Variants in FGD1 observed in about 807,000 individuals in gnomAD.
FGD1 encodes the protein FYVE, RhoGEF and PH domain-containing protein 1.
In FGD1, 12 loss-of-function variants were observed where a neutral mutation model predicts 65.0. The observed-to-expected ratio is 0.18, with a 90% CI of 0.12 to 0.30. FGD1 has a LOEUF of 0.30. Ranked by LOEUF, FGD1 falls within the 10% of genes least tolerant of loss-of-function variation. The pLI is 1.00. For missense variants in FGD1, 542 were observed against 837.6 expected (o/e 0.65, Z 4.36); for synonymous variants, 333 against 343.9 (o/e 0.97, Z 0.35).
Position 54,465,765 on chromosome X carries a change from C to G in FGD1, c.1428G>C (p.Arg476=). The part of the protein sequence containing the change: ...MYGEYVKNFD[R]AVELVNTWTE... ...TCCAGGTGTTGACCAGCTCCACGGC[C>G]CGGTCAAAGTTCTTCACATACTCAC... The change falls in exon 7 of 18, where the codon CGG becomes CGC. Residue 476 remains arginine, a synonymous_variant. Transcript: ENST00000375135. 8.3e-7 allele frequency: 1 copy of G among 1,211,249 alleles called. No homozygotes were observed. The highest frequency in any genetic ancestry group is 1.1e-6 in the Non-Finnish European group (1 of 895,415).
At chrX:54,460,720 G>A (rs939252603) in intron 8 of FGD1, among the ~76,000 whole-genome samples, 1 of 111,853 alleles carries the variant, frequency 8.9e-6, no homozygotes, top group East Asian at 2.8e-4. Flanking sequence ...CAGCCTGGGC[G>A]ACAGAGTGAG....
rs1488481773 is a variant in FGD1, at chrX:54,456,356, T to C, written c.1706A>G (p.His569Arg). 5 of 1,210,047 alleles carry C rather than the reference T, an allele frequency of 4.1e-6. No homozygotes were observed. The highest frequency in any genetic ancestry group is 3.4e-6 in the Non-Finnish European group (3 of 895,292). The stretch of plus-strand genomic sequence containing the variant: ...CAGCTCATATACCTTCAGCAGCTTA[T>C]GCATTCGCTCCTGGCAAAAGACAGG... ...NAAIRKMERM[H>R]KLLKVYELLG... Residue 569 changes from histidine (H) to arginine (R), a missense_variant, in exon 10 of 18, where the codon CAT (histidine) becomes CGT (arginine). Physicochemically the swap from His to Arg is conservative, Grantham distance 29. Coordinates refer to ENST00000375135, the MANE Select transcript of FGD1 (RefSeq NM_004463.3).
chrX:54,470,720 G>T lies in FGD1; in HGVS notation c.522C>A (p.Pro174=). 2 of 1,032,076 alleles carry T rather than the reference G, an allele frequency of 1.9e-6. No homozygotes were observed. The highest frequency in any genetic ancestry group is 2.6e-6 in the Non-Finnish European group (2 of 755,188). The allele number at this position is 1,032,076 out of a possible 1,213,427, so 85.1% of individuals were successfully genotyped here. ...KPSYLQMPRM[P]PPLEPIPPPP... ...GAGGGGGGATGGGCTCCAGTGGGGG[G>T]GGCATCCGGGGCATCTGCAGGTAGC... Residue 174 remains proline, a synonymous_variant, in exon 3 of 18, where the codon CCC becomes CCA. Transcript: ENST00000375135.
At chrX:54,466,920 T>C (rs1922776033) in intron 6 of FGD1, among the ~76,000 whole-genome samples, 1 of 109,485 alleles carries the variant, frequency 9.1e-6, no homozygotes, top group Admixed American at 9.8e-5. Flanking sequence ...CGGCTAATTT[T>C]TTGTATTTTT....
At chrX:54,449,606 TTGGAAGTC>T in intron 14 of FGD1, 45 bp downstream of exon 14, 1 of 851,541 alleles carries the variant, frequency 1.2e-6, no homozygotes, top group Non-Finnish European at 1.7e-6. Flanking sequence ...AGGTGGGCAT[TTGGAAGTC>T]TGGAAGGGGT....
intron 1 of FGD1, among the ~76,000 whole-genome samples, chrX:54,476,814 C>T (rs1044558808): frequency 9.1e-6 from 1 of 110,428 alleles, no homozygotes; most frequent in East Asian, 2.9e-4. Context: ...CCCCGTCACA[C>T]ACATTTGGTC....
At chrX:54,484,776 T>C (rs939853060) in intron 1 of FGD1, among the ~76,000 whole-genome samples, 12 of 112,978 alleles carry the variant, frequency 1.1e-4, no homozygotes, top group Non-Finnish European at 1.5e-4. Context: ...AGATGTTTGC[T>C]CTCTCCAGAT....
At chrX:54,472,937 C>T (rs776592105) in intron 1 of FGD1, among the ~76,000 whole-genome samples, 1 of 111,564 alleles carries the variant, frequency 9.0e-6, no homozygotes, top group South Asian at 3.7e-4. Flanking sequence ...TAGCTTATAT[C>T]ACACACAGTC....
At chrX:54,486,299 A>G (rs758979532) in intron 1 of FGD1, among the ~76,000 whole-genome samples, 3 of 109,819 alleles carry the variant, frequency 2.7e-5, no homozygotes, top group Non-Finnish European at 5.7e-5. Context: ...ACCAGGCTGG[A>G]GTGCAGTGGC....
chrX:54,495,807 G>C lies in FGD1; in HGVS notation c.-375C>G, dbSNP rs1331466785. On this transcript the variant is annotated 5_prime_UTR_variant, in exon 1 of 18. Transcript: ENST00000375135. ...GCTCGGCGGGGACTCTCCGGTGGAC[G>C]GCGAGCCACTTCCGTGGCCCCGGGG... The C allele has an allele frequency of 2.7e-5, 3 of 111,376 alleles. No individual in the cohort carries two copies. Among genetic ancestry groups the C allele is most frequent in the Non-Finnish European group, 5.7e-5 (3 of 52,790 alleles). The allele number at this position is 111,376 out of a possible 1,213,427, so 9.2% of individuals were successfully genotyped here. A position where few individuals can be genotyped will look rare whatever the true frequency, so the allele number is the denominator to read the frequency against.
intron 1 of FGD1, among the ~76,000 whole-genome samples, chrX:54,488,448 G>T (rs1923340669): frequency 9.2e-6 from 1 of 108,484 alleles, no homozygotes; most frequent in African/African-American, 3.4e-5. Flanking sequence ...AGCCAGGCGT[G>T]ATGGCGGGTG....
rs1216051873 is a variant in FGD1 at position 54,495,359 on chromosome X, G to C, written c.74C>G (p.Ala25Gly). Residue 25 changes from alanine to glycine, a missense_variant, in exon 1 of 18, where the codon GCC becomes GGC. By Grantham distance (60) the Ala-to-Gly change is moderately conservative (BLOSUM62 0). Around this residue, in one of 6 missense-constraint regions of FGD1, gnomAD observed 297 missense variants for 326.8 expected, o/e 0.91. Transcript: ENST00000375135. ...PEHPATNPPGAAPPACADSDP... is the reference protein window; with the variant it reads ...PEHPATNPPGGAPPACADSDP... ...CGAGTCGGCACAGGCCGGCGGAGCG[G>C]CGCCCGGCGGGTTCGTGGCCGGGTG... 1 of 1,150,620 alleles carries C rather than the reference G, an allele frequency of 8.7e-7. No homozygotes were observed. Among genetic ancestry groups the C allele is most frequent in the Non-Finnish European group, 1.2e-6 (1 of 868,684 alleles). 94.8% of individuals were successfully genotyped at this position (1,150,620 alleles called of 1,213,427 possible). A position where few individuals can be genotyped will look rare whatever the true frequency, so the allele number is the denominator to read the frequency against.
intron 6 of FGD1, among the ~76,000 whole-genome samples, chrX:54,467,479 C>T (rs1922791700): frequency 9.1e-6 from 1 of 109,742 alleles, no homozygotes; most frequent in Non-Finnish European, 1.9e-5. Flanking sequence ...CTCAGCCTCC[C>T]GAGTAGCTGG....
intron 8 of FGD1, among the ~76,000 whole-genome samples, chrX:54,462,684 G>A (rs1057434814): frequency 5.5e-5 from 6 of 108,469 alleles, no homozygotes; most frequent in Admixed American, 9.9e-5. Context: ...GAGCCACCAC[G>A]CCCGGCCTCG....
intron 1 of FGD1, among the ~76,000 whole-genome samples, chrX:54,485,156 C>T (rs1923241779): frequency 8.9e-6 from 1 of 111,903 alleles, no homozygotes; most frequent in Admixed American, 9.5e-5. Flanking sequence ...GTTTGGAAGG[C>T]CCTAGTGGAC....
chrX:54,467,500 G>A (rs1246168824), intron 6 of FGD1, among the ~76,000 whole-genome samples: 1 of 110,133 alleles, frequency 9.1e-6, no homozygotes, highest in East Asian at 2.8e-4. Context: ...GACTACAGGC[G>A]CGTGCCATCA....
intron 12 of FGD1, among the ~76,000 whole-genome samples, chrX:54,451,920 A>G (rs12013613): frequency 0.078 from 8,525 of 109,746 alleles, 700 homozygotes; most frequent in African/African-American, 0.24. Context: ...TTATTTATCT[A>G]TATTTTCTAA....
Position 54,455,400 on chromosome X carries a change from C to G in FGD1, c.2015+48G>C, listed in dbSNP as rs3830137. The stretch of plus-strand genomic sequence containing the variant: ...CCTGGAATGCCTCAGCATATCTGAA[C>G]AAAAGGGAGGTAGGCGCTGGAGGAA... On this transcript the variant is annotated intron_variant, in intron 12 of 17. Coordinates refer to ENST00000375135, the MANE Select transcript of FGD1 (RefSeq NM_004463.3). 209,669 of 1,023,584 alleles carry G rather than the reference C, an allele frequency of 0.2. 27,486 individuals are homozygous for G. Among genetic ancestry groups the G allele is most frequent in the African/African-American group, 0.85 (45,170 of 53,385 alleles). The allele number at this position is 1,023,584 out of a possible 1,213,427, so 84.4% of individuals were successfully genotyped here.
Position 54,445,513 on chromosome X carries a change from C to T in FGD1, c.*596G>A, listed in dbSNP as rs1601945984. 1 of 109,043 alleles carries T rather than the reference C, an allele frequency of 9.2e-6. No individual in the cohort carries two copies. The highest frequency in any genetic ancestry group is 3.4e-5 in the African/African-American group (1 of 29,514). 9.0% of individuals were successfully genotyped at this position (109,043 alleles called of 1,213,427 possible). On this transcript the variant is annotated 3_prime_UTR_variant, in exon 18 of 18. Transcript: ENST00000375135. The stretch of plus-strand genomic sequence containing the variant: ...AAAAAAAAAAAAACACACAAAAAAA[C>T]ACAAAAAACTGAGTATCCATTGTCC...
Sources: allele counts gnomAD v4.1 joint callset (sites outside exome capture counted in the v4.1 genomes callset), GRCh38; gene constraint gnomAD v4.1.1; regional missense constraint gnomAD v4.1.1; transcripts MANE v1.5; gene names NCBI Gene and HGNC (gene_info 2026-07-23, HGNC 2026-07-21).